The following NCKAP5 variants were observed in gnomAD, a reference collection of about 807,000 sequenced individuals.
NCKAP5 encodes NCK associated protein 5, also known as nck-associated protein 5.
NCKAP5 carries 92 observed loss-of-function variants against 167.0 expected under a neutral mutation model. That is an observed-to-expected ratio of 0.55 (90% confidence interval 0.47 to 0.66). NCKAP5 has a LOEUF of 0.66. NCKAP5 is among the 30% of genes least tolerant of loss of function. NCKAP5 has a pLI of 0.00. For missense variants in NCKAP5, 2,378 were observed against 2,315.0 expected (o/e 1.03, Z -0.56); for synonymous variants, 891 against 877.4 (o/e 1.02, Z -0.27).
chr2:133,400,673 A>G (rs1688040387), intron 3 of NCKAP5, among the ~76,000 whole-genome samples: 1 of 152,162 alleles, frequency 6.6e-6, no homozygotes, highest in African/African-American at 2.4e-5. Flanking sequence ...AGTGAGAAAA[A>G]TTTCTGTGGT....
At chr2:133,307,968 A>T (rs1361286101) in intron 3 of NCKAP5, among the ~76,000 whole-genome samples, 1 of 152,076 alleles carries the variant, frequency 6.6e-6, no homozygotes, top group Non-Finnish European at 1.5e-5. Flanking sequence ...TGGAATATAC[A>T]TTATCTATTT....
At chr2:133,398,391 C>T (rs1427533236) in intron 3 of NCKAP5, among the ~76,000 whole-genome samples, 1 of 152,140 alleles carries the variant, frequency 6.6e-6, no homozygotes, top group Non-Finnish European at 1.5e-5. Flanking sequence ...ATTAAACAAA[C>T]CTGCACGTTC....
intron 19 of NCKAP5, among the ~76,000 whole-genome samples, chr2:132,692,168 AGTCTCACT>A (rs753888944): frequency 2.9e-4 from 38 of 129,726 alleles, no homozygotes; most frequent in Non-Finnish European, 5.7e-4. Context: ...TTTGAGACAG[AGTCTCACT>A]CTATTGCCCA....
chr2:132,809,452 G>A (rs1318518890), intron 11 of NCKAP5, among the ~76,000 whole-genome samples: 1 of 152,098 alleles, frequency 6.6e-6, no homozygotes, highest in African/African-American at 2.4e-5. Context: ...GGGAGTTCCA[G>A]GGTTATGCAT....
At chr2:133,339,864 G>A (rs1683456668) in intron 3 of NCKAP5, among the ~76,000 whole-genome samples, 1 of 152,126 alleles carries the variant, frequency 6.6e-6, no homozygotes, top group Admixed American at 6.5e-5. Context: ...ACATTTTATG[G>A]AAAACAATTT....
chr2:133,168,705 T>C (rs2084109739), intron 5 of NCKAP5, among the ~76,000 whole-genome samples: 1 of 152,112 alleles, frequency 6.6e-6, no homozygotes, highest in Admixed American at 6.5e-5. Context: ...TGAGAGAAAA[T>C]ATTTCAGATA....
At chr2:132,940,211 G>T (rs1164863500) in intron 8 of NCKAP5, among the ~76,000 whole-genome samples, 1 of 152,132 alleles carries the variant, frequency 6.6e-6, no homozygotes, top group African/African-American at 2.4e-5. Context: ...TGCAGCAAAA[G>T]ACATTATTTT....
At chr2:133,086,790 T>C (rs1185350775) in intron 6 of NCKAP5, among the ~76,000 whole-genome samples, 1 of 152,086 alleles carries the variant, frequency 6.6e-6, no homozygotes, top group East Asian at 1.9e-4. Context: ...GGGAAACAAC[T>C]ACTAAAGAGG....
chr2:132,772,012 C>G (rs888373332), intron 16 of NCKAP5, among the ~76,000 whole-genome samples: 3 of 151,722 alleles, frequency 2.0e-5, no homozygotes, highest in Non-Finnish European at 4.4e-5. Flanking sequence ...TTTTTTTAAC[C>G]TTACCTTTTC....
intron 3 of NCKAP5, among the ~76,000 whole-genome samples, chr2:133,400,019 T>C (rs1028792967): frequency 3.3e-5 from 5 of 152,334 alleles, no homozygotes; most frequent in African/African-American, 1.2e-4. Context: ...ACTCATTTTA[T>C]TTTCTAATTT....
At position 133,561,084 on chromosome 2, in the gene NCKAP5, T is replaced by G. The variant is rs528156248; in HGVS notation, c.-129-1967A>C. ...AATGAAAATGAAAAGTTAAGATATCTAATTTTTCCTTATAGAAATAAATAA... is the reference window on the plus strand; with the variant it reads ...AATGAAAATGAAAAGTTAAGATATCGAATTTTTCCTTATAGAAATAAATAA... On this transcript the variant is annotated intron_variant, in intron 1 of 19. Transcript: ENST00000409261. Among the ~76,000 whole-genome samples, 26 of 152,386 alleles carry G rather than the reference T, an allele frequency of 1.7e-4. No homozygotes were observed. The South Asian group carries it at 4.1e-3, about 24-fold the overall frequency.
chr2:133,171,594 G>T (rs746082174), intron 5 of NCKAP5, among the ~76,000 whole-genome samples: 9 of 152,108 alleles, frequency 5.9e-5, no homozygotes, highest in Non-Finnish European at 1.0e-4. Flanking sequence ...AATGAATGTG[G>T]CTCCCTCTTC....
intron 8 of NCKAP5, among the ~76,000 whole-genome samples, chr2:132,891,827 G>C (rs927958541): frequency 1.3e-4 from 20 of 152,342 alleles, no homozygotes; most frequent in Non-Finnish European, 2.2e-4. Flanking sequence ...ATCTTCCTAG[G>C]AGGAGAGTAA....
chr2:132,909,897 G>A (rs1430854149), intron 8 of NCKAP5, among the ~76,000 whole-genome samples: 1 of 152,200 alleles, frequency 6.6e-6, no homozygotes, highest in Non-Finnish European at 1.5e-5. Flanking sequence ...TACTCTATGT[G>A]ATAGGACTTG....
At chr2:133,252,210 T>C (rs1364490482) in intron 4 of NCKAP5, among the ~76,000 whole-genome samples, 1 of 152,098 alleles carries the variant, frequency 6.6e-6, no homozygotes, top group Non-Finnish European at 1.5e-5. Flanking sequence ...GGTTTTCAGA[T>C]GGGAGAGGTG....
chr2:132,870,358 T>C (rs912421860), intron 9 of NCKAP5, among the ~76,000 whole-genome samples: 1 of 152,202 alleles, frequency 6.6e-6, no homozygotes, highest in Non-Finnish European at 1.5e-5. Flanking sequence ...TTTCAGCTAA[T>C]ACATACACTG....
At chr2:132,863,837 T>C (rs974357275) in intron 10 of NCKAP5, among the ~76,000 whole-genome samples, 3 of 152,200 alleles carry the variant, frequency 2.0e-5, no homozygotes, top group African/African-American at 7.2e-5. Context: ...CAAGAAACTG[T>C]AAACAAAAAC....
intron 3 of NCKAP5, among the ~76,000 whole-genome samples, chr2:133,345,285 T>G (rs1683893527): frequency 6.6e-6 from 1 of 152,124 alleles, no homozygotes; most frequent in Non-Finnish European, 1.5e-5. Flanking sequence ...GACAGCCTTG[T>G]GTGTGATCTT....
intron 8 of NCKAP5, among the ~76,000 whole-genome samples, chr2:132,902,730 G>T (rs560776115): frequency 2.0e-5 from 3 of 152,324 alleles, no homozygotes; most frequent in African/African-American, 7.2e-5. Flanking sequence ...CTGCTCTCAT[G>T]GCTGGTGGAC....
Sources: gnomAD v4.1 joint callset for allele counts (sites outside exome capture counted in the v4.1 genomes callset) on GRCh38, gnomAD v4.1.1 for gene constraint, MANE v1.5 for transcripts, NCBI Gene and HGNC (gene_info 2026-07-23, HGNC 2026-07-21) for gene names.